SHTN1: variants seen among roughly 807,000 people sequenced by gnomAD.
The protein encoded by SHTN1 is shootin 1.
SHTN1 carries 42 observed loss-of-function variants against 83.1 expected under a neutral mutation model. The observed-to-expected ratio is 0.51, with a 90% CI of 0.39 to 0.65. SHTN1 has a LOEUF of 0.65. Ranked by LOEUF, SHTN1 falls within the 30% of genes least tolerant of loss-of-function variation. SHTN1 has a pLI of 0.00. For synonymous variants in SHTN1, 224 were observed against 247.7 expected, an observed-to-expected ratio of 0.90 and a Z score of 0.90; for missense variants, 622 against 737.8, an observed-to-expected ratio of 0.84 and a Z score of 1.82.
chr10:116,936,986 CCTG>C (rs1849192241), intron 9 of SHTN1, among the ~76,000 whole-genome samples: 1 of 151,832 alleles, frequency 6.6e-6, no homozygotes, highest in African/African-American at 2.4e-5. Flanking sequence ...GATTGCAACC[CCTG>C]CTTTTTTTTT....
At chr10:116,962,411 C>T (rs1427024422) in intron 3 of SHTN1, among the ~76,000 whole-genome samples, 1 of 152,070 alleles carries the variant, frequency 6.6e-6, no homozygotes, top group Non-Finnish European at 1.5e-5. Flanking sequence ...AGAAAAGAAA[C>T]CTATACAATT....
At chr10:116,997,788 A>G (rs552441719) in intron 1 of SHTN1, among the ~76,000 whole-genome samples, 314 of 152,258 alleles carry the variant, frequency 2.1e-3, no homozygotes, top group Non-Finnish European at 3.9e-3. Context: ...TGTGCTGCCC[A>G]CACTTAAGAA....
chr10:116,945,083 T>A, intron 7 of SHTN1, 65 bp from the exon 8 acceptor site: 1 of 973,110 alleles, frequency 1.0e-6, no homozygotes, highest in East Asian at 2.4e-5. Context: ...GGAATATGGA[T>A]GAAAAACAGT....
At position 116,906,639 on chromosome 10, in the gene SHTN1, C is replaced by T; in HGVS notation, c.1468G>A (p.Ala490Thr). 1 of 1,612,416 alleles carries T rather than the reference C, an allele frequency of 6.2e-7. No homozygotes were observed. The highest frequency in any genetic ancestry group is 8.5e-7 in the Non-Finnish European group (1 of 1,179,062). The part of the protein sequence containing the change: ...ILRRRKVTAE[A>T]DSSSPTGILA... ...CAAACCGGCTTACTACTGCTATCTG[C>T]TTCTGCTGTCACCTTTCTGCGACGC... Residue 490 changes from alanine (A) to threonine (T), a missense_variant, in exon 15 of 17, where the codon GCA (alanine) becomes ACA (threonine). Around this residue, in one of 3 missense-constraint regions of SHTN1, gnomAD observed 231 missense variants for 251.6 expected, o/e 0.92. Transcript: ENST00000355371.
intron 1 of SHTN1, among the ~76,000 whole-genome samples, chr10:117,079,282 C>T (rs1278292539): frequency 1.0e-4 from 14 of 136,548 alleles, no homozygotes; most frequent in African/African-American, 3.6e-4. Context: ...TGAGAATATG[C>T]GGTGTTTGGT....
At chr10:117,005,516 C>T (rs1360661494), upstream of SHTN1, 7 of 1,002,558 alleles carry the variant, frequency 7.0e-6, no homozygotes, top group Non-Finnish European at 8.3e-6. Flanking sequence ...TGTGGGAACT[C>T]CACTTTGGAC....
chr10:116,964,468 T>C (rs1276498836), intron 3 of SHTN1, among the ~76,000 whole-genome samples: 1 of 152,246 alleles, frequency 6.6e-6, no homozygotes, highest in Non-Finnish European at 1.5e-5. Flanking sequence ...CCAATGATGT[T>C]GCTTCTAGAG....
At position 117,005,069 on chromosome 10, in the gene SHTN1, G is replaced by C. The variant is rs1416385575; in HGVS notation, c.11C>G (p.Ser4Trp). The C allele has an allele frequency of 1.9e-6, 3 of 1,598,136 alleles. No individual in the cohort carries two copies. Among genetic ancestry groups the C allele is most frequent in the South Asian group, 1.1e-5 (1 of 87,956 alleles). MNS[S>W]DEEKQLQLIT... ...GAGCTGCAGCTGCTTCTCTTCGTCCGAGCTGTTCATTTTGGCGGGTGGGGC... is the reference window on the plus strand; with the variant it reads ...GAGCTGCAGCTGCTTCTCTTCGTCCCAGCTGTTCATTTTGGCGGGTGGGGC... The change falls in exon 1 of 17, where the codon TCG becomes TGG. Residue 4 changes from serine to tryptophan, a missense_variant. This residue lies in a region of SHTN1 where 383 missense variants were observed against 455.8 expected (regional missense o/e 0.84). Transcript: ENST00000355371.
intron 1 of SHTN1, among the ~76,000 whole-genome samples, chr10:117,110,967 C>T (rs542341547): frequency 1.3e-5 from 2 of 152,194 alleles, no homozygotes; most frequent in South Asian, 4.2e-4. Context: ...GAAGCTAAGG[C>T]AGGCAGATCA....
intron 4 of SHTN1, among the ~76,000 whole-genome samples, chr10:116,955,536 C>T (rs537712067): frequency 9.2e-5 from 14 of 152,270 alleles, no homozygotes; most frequent in Non-Finnish European, 2.1e-4. Flanking sequence ...TCACTGTAAA[C>T]CTGACACTAG....
At chr10:117,084,989 C>T (rs1853329391) in intron 1 of SHTN1, among the ~76,000 whole-genome samples, 1 of 152,024 alleles carries the variant, frequency 6.6e-6, no homozygotes, top group South Asian at 2.1e-4. Flanking sequence ...GCAGAAATCA[C>T]CCGTCTTCTG....
intron 11 of SHTN1, among the ~76,000 whole-genome samples, chr10:116,927,171 A>C (rs1344810573): frequency 1.3e-5 from 2 of 152,350 alleles, no homozygotes; most frequent in South Asian, 2.1e-4. Context: ...ATAATTGAAC[A>C]AACCACAGCT....
At chr10:116,954,834 T>C (rs998669556) in intron 4 of SHTN1, among the ~76,000 whole-genome samples, 10 of 152,022 alleles carry the variant, frequency 6.6e-5, no homozygotes, top group African/African-American at 1.7e-4. Flanking sequence ...CATTCCACTA[T>C]AGGATCAAGG....
At chr10:117,099,015 C>T (rs1478846587) in intron 1 of SHTN1, among the ~76,000 whole-genome samples, 14 of 144,248 alleles carry the variant, frequency 9.7e-5, no homozygotes, top group African/African-American at 3.6e-4. Flanking sequence ...TGTATACACA[C>T]ACACACACAC....
intron 1 of SHTN1, among the ~76,000 whole-genome samples, chr10:117,066,625 T>G (rs1289447313): frequency 2.0e-5 from 3 of 152,206 alleles, no homozygotes; most frequent in Non-Finnish European, 4.4e-5. Context: ...TACCCTATAC[T>G]ACCTTATTTC....
intron 2 of SHTN1, among the ~76,000 whole-genome samples, chr10:117,048,268 G>T (rs987722516): frequency 2.0e-5 from 3 of 152,248 alleles, no homozygotes; most frequent in Admixed American, 6.5e-5. Flanking sequence ...AATGACTCCA[G>T]CATAACTTAT....
chr10:117,113,033 A>ACC (rs1438368512), intron 1 of SHTN1, among the ~76,000 whole-genome samples: 1 of 152,182 alleles, frequency 6.6e-6, no homozygotes, highest in African/African-American at 2.4e-5. Flanking sequence ...AATTGGTCTA[A>ACC]TGTCAGACAG....
At chr10:117,079,057 T>C (rs1454779585) in intron 1 of SHTN1, among the ~76,000 whole-genome samples, 3 of 152,064 alleles carry the variant, frequency 2.0e-5, no homozygotes, top group South Asian at 4.1e-4. Context: ...TTTATTATTA[T>C]AAGTTTTAGG....
intron 1 of SHTN1, among the ~76,000 whole-genome samples, chr10:116,989,296 C>T (rs899640515): frequency 2.6e-5 from 4 of 152,032 alleles, no homozygotes; most frequent in Non-Finnish European, 5.9e-5. Flanking sequence ...TATTTTATTC[C>T]GACTTCCTTA....
Sources: gnomAD v4.1 joint callset for allele counts (sites outside exome capture counted in the v4.1 genomes callset) on GRCh38, gnomAD v4.1.1 for gene constraint, gnomAD v4.1.1 regional missense constraint, MANE v1.5 for transcripts, NCBI Gene and HGNC (gene_info 2026-07-23, HGNC 2026-07-21) for gene names.